The following SPAST variants were observed in gnomAD, a reference collection of about 807,000 sequenced individuals.
The protein encoded by SPAST is spastin, also known as spastic paraplegia 4 (autosomal dominant; spastin).
SPAST carries 30 observed loss-of-function variants against 76.6 expected under a neutral mutation model. The observed-to-expected ratio is 0.39, with a 90% CI of 0.29 to 0.53. The LOEUF (loss-of-function observed/expected upper bound fraction) is 0.53. Among genes scored for constraint, SPAST ranks in the 20% least tolerant of loss-of-function variants. The pLI, the probability that SPAST is intolerant of heterozygous loss-of-function variation, is 0.68. For missense variants in SPAST, 717 were observed against 770.5 expected (o/e 0.93, Z 0.82); for synonymous variants, 305 against 281.0 (o/e 1.09, Z -0.86).
chr2:32,111,447 T>C (rs1284499174), intron 4 of SPAST, among the ~76,000 whole-genome samples: 1 of 146,784 alleles, frequency 6.8e-6, no homozygotes, highest in Non-Finnish European at 1.5e-5. Context: ...TAGTATACTG[T>C]ATAGTATATA....
At chr2:32,085,205 C>CTTTTT (rs11399879) in intron 1 of SPAST, among the ~76,000 whole-genome samples, 30 of 119,742 alleles carry the variant, frequency 2.5e-4, no homozygotes, top group African/African-American at 4.6e-4. Flanking sequence ...TCTTCTTCTT[C>CTTTTT]TTTTTTTTTT....
At chr2:32,143,444 C>T (rs1331227810) in intron 14 of SPAST, 29 bp downstream of exon 14, 18 of 1,309,236 alleles carry the variant, frequency 1.4e-5, no homozygotes, top group Non-Finnish European at 2.0e-5. Flanking sequence ...GTTTATCTTA[C>T]AGCTTTTATT....
Position 32,155,555 on chromosome 2 carries a change from T to C in SPAST, c.*1059T>C, listed in dbSNP as rs1035213920. ...TTTAAAAAAACTGAATTTTTATACATGGCATACATTTTTCTAGTTCCTTCT... is the reference window on the plus strand; with the variant it reads ...TTTAAAAAAACTGAATTTTTATACACGGCATACATTTTTCTAGTTCCTTCT... On this transcript the variant is annotated 3_prime_UTR_variant, in exon 17 of 17. Coordinates refer to ENST00000315285, the MANE Select transcript of SPAST (RefSeq NM_014946.4). 6.6e-6 allele frequency: 1 copy of C among 152,400 alleles called. No individual in the cohort carries two copies. Among genetic ancestry groups the C allele is most frequent in the African/African-American group, 2.4e-5 (1 of 41,454 alleles). The allele number at this position is 152,400 out of a possible 1,614,324, so 9.4% of individuals were successfully genotyped here. A position where few individuals can be genotyped will look rare whatever the true frequency, so the allele number is the denominator to read the frequency against.
At chr2:32,147,320 A>T in intron 16 of SPAST, 62 bp downstream of exon 16, 12 of 953,622 alleles carry the variant, frequency 1.3e-5, no homozygotes, top group Non-Finnish European at 1.8e-5. Context: ...TATAAGACAT[A>T]CATATATGAA....
Position 32,136,859 on chromosome 2 carries a change from T to A in SPAST, c.1322-18T>A. Reference sequence around the variant, plus strand: ...AGCTTGGTCTTTAATTAAAGTCTTATACTTGTATTTCCTCTAGATGAAGTT... The same window carrying A: ...AGCTTGGTCTTTAATTAAAGTCTTAAACTTGTATTTCCTCTAGATGAAGTT... On this transcript the variant is annotated intron_variant, in intron 10 of 16. Transcript: ENST00000315285. 6.3e-7 allele frequency: 1 copy of A among 1,592,794 alleles called. No homozygotes were observed. The highest frequency in any genetic ancestry group is 8.6e-7 in the Non-Finnish European group (1 of 1,160,794).
chr2:32,113,560 C>CTTTTT (rs10534612), intron 4 of SPAST, among the ~76,000 whole-genome samples: 11 of 90,940 alleles, frequency 1.2e-4, no homozygotes, highest in African/African-American at 1.7e-4. Flanking sequence ...TGCTTCATAA[C>CTTTTT]TTTTTTTTTT....
In SPAST at chr2:32,114,851, G is replaced by A. The variant is rs780874837; in HGVS notation, c.870+26G>A. On this transcript the variant is annotated intron_variant, in intron 5 of 16. Coordinates refer to ENST00000315285, the MANE Select transcript of SPAST (RefSeq NM_014946.4). The stretch of plus-strand genomic sequence containing the variant: ...GTATTCTGGGACAGTAACTTTAATT[G>A]CTGTCTTTTTGCAAATAGAAAAATT... 15 of 1,585,100 alleles carry A rather than the reference G, an allele frequency of 9.5e-6. No homozygotes were observed. In the South Asian group the frequency reaches 1.7e-4, roughly 18 times the overall value.
At chr2:32,109,878 A>G (rs1678470977) in intron 4 of SPAST, among the ~76,000 whole-genome samples, 1 of 148,882 alleles carries the variant, frequency 6.7e-6, no homozygotes, top group East Asian at 1.9e-4. Flanking sequence ...ATGCATATAC[A>G]TATATAGTTA....
At chr2:32,068,893 C>CA (rs550306120) in intron 1 of SPAST, among the ~76,000 whole-genome samples, 5,842 of 104,034 alleles carry the variant, frequency 0.056, 184 homozygotes, top group East Asian at 0.13. Context: ...GAGACTCCAT[C>CA]AAAAAAAAAA....
At chr2:32,114,899 A>C (rs1483558927) in intron 5 of SPAST, 74 bp downstream of exon 5, 2 of 1,041,802 alleles carry the variant, frequency 1.9e-6, no homozygotes, top group Non-Finnish European at 3.0e-6. Flanking sequence ...TTCCTGCTTA[A>C]GTTGATCATA....
At chr2:32,122,156 C>T (rs1679042617) in intron 7 of SPAST, among the ~76,000 whole-genome samples, 1 of 152,150 alleles carries the variant, frequency 6.6e-6, no homozygotes, top group African/African-American at 2.4e-5. Flanking sequence ...ATGGCTATAG[C>T]TGTCAGTCTT....
At chr2:32,074,956 A>G (rs998365973) in intron 1 of SPAST, among the ~76,000 whole-genome samples, 1 of 152,158 alleles carries the variant, frequency 6.6e-6, no homozygotes, top group Non-Finnish European at 1.5e-5. Context: ...TAGTGCTTGC[A>G]CATAATAGGT....
chr2:32,151,825 G>T (rs1485620360), intron 16 of SPAST, among the ~76,000 whole-genome samples: 1 of 151,822 alleles, frequency 6.6e-6, no homozygotes, highest in East Asian at 1.9e-4. Flanking sequence ...AAGGAGAATT[G>T]CTTGAACCTG....
At chr2:32,151,094 G>A (rs970091074) in intron 16 of SPAST, among the ~76,000 whole-genome samples, 7 of 152,092 alleles carry the variant, frequency 4.6e-5, no homozygotes, top group African/African-American at 7.2e-5. Context: ...ACAGGCATGC[G>A]CCACTATGCC....
At chr2:32,069,502 A>G (rs1676661354) in intron 1 of SPAST, among the ~76,000 whole-genome samples, 1 of 151,860 alleles carries the variant, frequency 6.6e-6, no homozygotes, top group South Asian at 2.1e-4. Context: ...TTAACTATCA[A>G]GGAGCTGGTA....
Position 32,063,683 on chromosome 2 carries a change from G to A in SPAST, c.-149G>A. 9.7e-7 allele frequency: 1 copy of A among 1,033,136 alleles called. No individual in the cohort carries two copies. The highest frequency in any genetic ancestry group is 1.4e-6 in the Non-Finnish European group (1 of 732,538). 64.0% of individuals were successfully genotyped at this position (1,033,136 alleles called of 1,614,324 possible). On this transcript the variant is annotated 5_prime_UTR_variant, in exon 1 of 17. Transcript: ENST00000315285. ...GAGGAAGGAGAAAGGGGCGGGGCCG[G>A]CGGGCAGCGTGCGGCAGTGCGGAGC... is the stretch of plus-strand genomic sequence containing the variant.
rs777721232 is a variant in SPAST at position 32,063,929 on chromosome 2, C to T, written c.98C>T (p.Pro33Leu). The T allele has an allele frequency of 2.9e-5, 47 of 1,598,884 alleles. No homozygotes were observed. The highest frequency in any genetic ancestry group is 3.8e-5 in the Non-Finnish European group (45 of 1,173,126). ...CCGCCCCCTTGCCTGGCCCCCGCCCCTCCCGCCGCCGGGCCGGCCCCTCCG... is the reference window on the plus strand; with the variant it reads ...CCGCCCCCTTGCCTGGCCCCCGCCCTTCCCGCCGCCGGGCCGGCCCCTCCG... ...RPPPPCLAPA[P>L]PAAGPAPPPE... Residue 33 changes from proline (P) to leucine (L), a missense_variant, in exon 1 of 17, where the codon CCT becomes CTT. By Grantham distance (98) the Pro-to-Leu change is moderately conservative (BLOSUM62 -3). Transcript: ENST00000315285.
At chr2:32,101,060 A>G (rs1007207840) in intron 4 of SPAST, among the ~76,000 whole-genome samples, 3 of 152,194 alleles carry the variant, frequency 2.0e-5, no homozygotes, top group Admixed American at 2.0e-4. Flanking sequence ...TGGTTGAACT[A>G]GTTTACGTTC....
chr2:32,110,306 A>G (rs1573107722), intron 4 of SPAST, among the ~76,000 whole-genome samples: 1 of 148,746 alleles, frequency 6.7e-6, no homozygotes, highest in Admixed American at 6.7e-5. Flanking sequence ...CTTTAGTAGA[A>G]ATGGGGTTTC....
Sources: gnomAD v4.1 joint callset for allele counts (sites outside exome capture counted in the v4.1 genomes callset) on GRCh38, gnomAD v4.1.1 for gene constraint, MANE v1.5 for transcripts, NCBI Gene and HGNC (gene_info 2026-07-23, HGNC 2026-07-21) for gene names.